SYT1: variants seen among roughly 807,000 people sequenced by gnomAD.
The protein encoded by SYT1 is synaptotagmin-1.
SYT1 carries 8 observed loss-of-function variants against 44.8 expected under a neutral mutation model. That is an observed-to-expected ratio of 0.18 (90% CI 0.10 to 0.32). The LOEUF is 0.32. Ranked by LOEUF, SYT1 falls within the 10% of genes least tolerant of loss-of-function variation. SYT1 has a pLI of 1.00. For missense variants in SYT1, 286 were observed against 509.3 expected, an observed-to-expected ratio of 0.56 and a Z score of 4.22; for synonymous variants, 154 against 188.8, an observed-to-expected ratio of 0.82 and a Z score of 1.51.
intron 1 of SYT1, among the ~76,000 whole-genome samples, chr12:78,890,709 C>T (rs1030592411): frequency 6.6e-6 from 1 of 151,784 alleles, no homozygotes; most frequent in East Asian, 1.9e-4. Flanking sequence ...CCAAAATGGA[C>T]TCATTTTCCC....
intron 3 of SYT1, among the ~76,000 whole-genome samples, chr12:79,131,121 T>G (rs971788415): frequency 2.0e-5 from 3 of 152,052 alleles, no homozygotes; most frequent in Non-Finnish European, 2.9e-5. Flanking sequence ...TGTTTTCTTT[T>G]TTTTTTTTTC....
chr12:79,055,565 G>T (rs1874868959), intron 3 of SYT1, among the ~76,000 whole-genome samples: 1 of 151,918 alleles, frequency 6.6e-6, no homozygotes, highest in Admixed American at 6.6e-5. Flanking sequence ...AAGAATGTTT[G>T]CACTGGATAA....
chr12:78,928,935 A>G (rs1877459154), intron 1 of SYT1, among the ~76,000 whole-genome samples: 2 of 152,200 alleles, frequency 1.3e-5, no homozygotes, highest in Non-Finnish European at 2.9e-5. Context: ...AATAATTTAC[A>G]TAAGATATAC....
chr12:79,077,673 CAT>C (rs201387971), intron 3 of SYT1, among the ~76,000 whole-genome samples: 370 of 152,258 alleles, frequency 2.4e-3, no homozygotes, highest in African/African-American at 8.6e-3. Flanking sequence ...TAATTAAAGA[CAT>C]AAATTTTGAC....
chr12:78,883,211 A>G (rs1874553055), intron 1 of SYT1, among the ~76,000 whole-genome samples: 1 of 151,718 alleles, frequency 6.6e-6, no homozygotes, highest in Admixed American at 6.6e-5. Context: ...GCAAAAAATA[A>G]GATTGAGTTA....
chr12:79,293,087 C>A (rs74662872), intron 6 of SYT1, among the ~76,000 whole-genome samples: 1 of 148,848 alleles, frequency 6.7e-6, no homozygotes, highest in South Asian at 2.1e-4. Context: ...CCAAGGCAGG[C>A]ATATCACGAG....
chr12:78,896,722 TA>T (rs1415334990), intron 1 of SYT1, among the ~76,000 whole-genome samples: 6 of 151,858 alleles, frequency 4.0e-5, no homozygotes, highest in African/African-American at 1.4e-4. Context: ...CATTTTCATT[TA>T]AAACACTACA....
chr12:79,180,493 AAAG>A (rs1043280740), intron 3 of SYT1, among the ~76,000 whole-genome samples: 1 of 150,134 alleles, frequency 6.7e-6, no homozygotes, highest in Non-Finnish European at 1.5e-5. Context: ...TTTTTTAAAA[AAAG>A]GAGTTTTAAT....
intron 2 of SYT1, among the ~76,000 whole-genome samples, chr12:79,004,305 G>A (rs1457915301): frequency 6.6e-6 from 1 of 151,800 alleles, no homozygotes; most frequent in African/African-American, 2.4e-5. Context: ...AGTAATTATA[G>A]CATGTAACTA....
intron 6 of SYT1, among the ~76,000 whole-genome samples, chr12:79,294,118 C>T (rs539259911): frequency 6.6e-6 from 1 of 152,042 alleles, no homozygotes; most frequent in East Asian, 1.9e-4. Flanking sequence ...AGTGGTGTCT[C>T]ATTCTGATTA....
At chr12:79,414,320 C>G (rs1287861204) in intron 9 of SYT1, among the ~76,000 whole-genome samples, 3 of 152,118 alleles carry the variant, frequency 2.0e-5, no homozygotes, top group African/African-American at 7.2e-5. Context: ...GGGTGTGTAC[C>G]AGGAAGTGGC....
intron 3 of SYT1, among the ~76,000 whole-genome samples, chr12:79,098,301 T>TAATAAATAAAGCCC (rs1878263408): frequency 6.6e-6 from 1 of 152,022 alleles, no homozygotes; most frequent in Non-Finnish European, 1.5e-5. Flanking sequence ...CCCTAATAAT[T>TAATAAATAAAGCCC]CTAAGTTACC....
chr12:78,911,001 A>T (rs1876287366), intron 1 of SYT1, among the ~76,000 whole-genome samples: 1 of 152,020 alleles, frequency 6.6e-6, no homozygotes, highest in African/African-American at 2.4e-5. Context: ...AGGGCCTTTT[A>T]GATTATGGTG....
chr12:79,420,283 T>C (rs1245665), intron 9 of SYT1, among the ~76,000 whole-genome samples: 133,619 of 152,130 alleles, frequency 0.88, 60,881 homozygotes, highest in East Asian at 1. Flanking sequence ...ATCCTTGCCA[T>C]GTTGGCACTG....
chr12:79,437,362 G>A (rs917064773), intron 9 of SYT1, among the ~76,000 whole-genome samples: 1 of 152,178 alleles, frequency 6.6e-6, no homozygotes, highest in Non-Finnish European at 1.5e-5. Context: ...GAAATCACCA[G>A]AGAAACAACG....
rs765007447 is a variant in SYT1, at chr12:79,449,088, G to A, written c.1233G>A (p.Glu411=). The A allele has an allele frequency of 9.3e-6, 15 of 1,613,848 alleles. No homozygotes were observed. Among genetic ancestry groups the A allele is most frequent in the Middle Eastern group, 1.6e-4 (1 of 6,062 alleles). ...CCCAGTGGCACACCCTGCAGGTAGA[G>A]GAGGAAGTTGATGCCATGCTGGCCG... ...PIAQWHTLQV[E]EEVDAMLAVK... Residue 411 remains glutamate, a synonymous_variant, in exon 11 of 11, where the codon GAG becomes GAA. Transcript: ENST00000261205.
At chr12:79,065,868 G>A (rs1452208922) in intron 3 of SYT1, among the ~76,000 whole-genome samples, 1 of 151,980 alleles carries the variant, frequency 6.6e-6, no homozygotes, top group African/African-American at 2.4e-5. Context: ...AATTGGTAAT[G>A]AGCAGCAAAT....
chr12:79,417,924 G>A (rs1868853757), intron 9 of SYT1, among the ~76,000 whole-genome samples: 1 of 151,988 alleles, frequency 6.6e-6, no homozygotes, highest in Admixed American at 6.6e-5. Context: ...CCGATGTTCT[G>A]CATTTCTAAT....
At chr12:79,123,309 ATGTGTGTGTG>A (rs66869713) in intron 3 of SYT1, among the ~76,000 whole-genome samples, 41 of 141,634 alleles carry the variant, frequency 2.9e-4, no homozygotes, top group East Asian at 2.5e-3. Context: ...TAAAAATGCA[ATGTGTGTGTG>A]TGTGTGTGTG....
Sources: gnomAD v4.1 joint callset for allele counts (sites outside exome capture counted in the v4.1 genomes callset) on GRCh38, gnomAD v4.1.1 for gene constraint, MANE v1.5 for transcripts, NCBI Gene and HGNC (gene_info 2026-07-23, HGNC 2026-07-21) for gene names.